RAD51B: variants seen among roughly 807,000 people sequenced by gnomAD.
RAD51B encodes the protein RAD51 paralog B, also known as DNA repair protein RAD51 homolog 2.
RAD51B carries 38 observed loss-of-function variants against 42.2 expected under a neutral mutation model. The observed-to-expected ratio is 0.90, with a 90% CI of 0.70 to 1.18. The LOEUF (loss-of-function observed/expected upper bound fraction) is 1.18, where lower values mean the gene tolerates loss of function less well. Among genes scored for constraint, RAD51B ranks in the 50% most tolerant of loss-of-function variants. RAD51B has a pLI of 0.00. For synonymous variants in RAD51B, 154 were observed against 145.2 expected, an observed-to-expected ratio of 1.06 and a Z score of -0.43; for missense variants, 373 against 400.7, an observed-to-expected ratio of 0.93 and a Z score of 0.59.
chr14:68,563,733 G>A, intron 10 of RAD51B: 1 of 985,436 alleles, frequency 1.0e-6, no homozygotes, highest in Non-Finnish European at 1.2e-6. Flanking sequence ...ACGAAAGAGG[G>A]AGAGGTGGTG....
intron 7 of RAD51B, among the ~76,000 whole-genome samples, chr14:67,919,532 G>A (rs1292569968): frequency 6.6e-6 from 1 of 152,050 alleles, no homozygotes; most frequent in Non-Finnish European, 1.5e-5. Context: ...ACCTTTCCAC[G>A]GTTTCCCACC....
chr14:68,120,510 G>T lies in RAD51B; in HGVS notation c.757-171374G>T, dbSNP rs2077630023. 2.6e-5 allele frequency among the ~76,000 whole-genome samples: 4 copies of T among 152,182 alleles called. No homozygotes were observed. The South Asian group carries it at 8.3e-4, about 32-fold the overall frequency. On this transcript the variant is annotated intron_variant, in intron 7 of 10. Transcript: ENST00000471583. The stretch of plus-strand genomic sequence containing the variant: ...CCTGGAAAGGTGCCTAACAAAAACT[G>T]GCCCTCAATACATATTCATTGAATG...
exon 11 of RAD51B, chr14:68,611,132 C>A (rs1171289062): frequency 1.4e-6 from 1 of 703,142 alleles, no homozygotes; most frequent in South Asian, 1.5e-5. Flanking sequence ...AGGCTGTTAC[C>A]CAGTGTCTCC....
intron 10 of RAD51B, among the ~76,000 whole-genome samples, chr14:68,575,950 C>T (rs1889943313): frequency 6.6e-6 from 1 of 152,172 alleles, no homozygotes; most frequent in South Asian, 2.1e-4. Context: ...GGGTTCAGGG[C>T]AGCAACAGGA....
chr14:68,191,190 T>C (rs2079259367), intron 7 of RAD51B, among the ~76,000 whole-genome samples: 1 of 152,206 alleles, frequency 6.6e-6, no homozygotes, highest in Non-Finnish European at 1.5e-5. Context: ...AATAATTAAG[T>C]ATTCATGCTT....
intron 7 of RAD51B, among the ~76,000 whole-genome samples, chr14:68,035,189 TG>T (rs1026858501): frequency 6.6e-6 from 1 of 152,262 alleles, no homozygotes; most frequent in Non-Finnish European, 1.5e-5. Flanking sequence ...TTACAGATTC[TG>T]ACTTTTTTCT....
At chr14:68,540,929 G>A (rs902877547) in intron 10 of RAD51B, 18 of 985,310 alleles carry the variant, frequency 1.8e-5, no homozygotes, top group Non-Finnish European at 2.0e-5. Flanking sequence ...GGAAAGAGAG[G>A]CAGGGCATGC....
At chr14:67,977,695 C>G (rs1311251027) in intron 7 of RAD51B, among the ~76,000 whole-genome samples, 4 of 152,186 alleles carry the variant, frequency 2.6e-5, no homozygotes, top group African/African-American at 9.7e-5. Flanking sequence ...TCTTGTTATT[C>G]ACCAAGAAAA....
chr14:68,625,798 T>C (rs1202408467), intron 10 of RAD51B, among the ~76,000 whole-genome samples: 1 of 152,214 alleles, frequency 6.6e-6, no homozygotes, highest in Non-Finnish European at 1.5e-5. Flanking sequence ...TTCTGAAGGT[T>C]TTCTCTCATC....
chr14:68,563,906 C>T (rs1334503040), intron 10 of RAD51B: 7 of 985,358 alleles, frequency 7.1e-6, no homozygotes, highest in African/African-American at 3.5e-5. Flanking sequence ...GGCCACAGGC[C>T]GATTCTCGGC....
At chr14:68,293,876 C>T (rs867056714) in intron 8 of RAD51B, among the ~76,000 whole-genome samples, 3 of 152,338 alleles carry the variant, frequency 2.0e-5, no homozygotes, top group Middle Eastern at 6.8e-3. Flanking sequence ...TATCCAGTGA[C>T]TAGCAAAGTT....
chr14:68,639,044 C>T (rs1892401421), intron 10 of RAD51B, among the ~76,000 whole-genome samples: 1 of 151,880 alleles, frequency 6.6e-6, no homozygotes, highest in Non-Finnish European at 1.5e-5. Flanking sequence ...GGCAGCAACC[C>T]CACGTAGACT....
At chr14:67,889,197 A>G (rs1595064917) in intron 7 of RAD51B, among the ~76,000 whole-genome samples, 1 of 151,982 alleles carries the variant, frequency 6.6e-6, no homozygotes, top group Non-Finnish European at 1.5e-5. Context: ...GTTTTTTGTG[A>G]CAATTAAGAT....
At chr14:68,338,785 G>T in intron 8 of RAD51B, 1 of 548,902 alleles carries the variant, frequency 1.8e-6, no homozygotes, top group Non-Finnish European at 3.5e-6. Context: ...TTGATAATGT[G>T]AGCTACAGAC....
Position 67,865,104 on chromosome 14 carries a change from G to A in RAD51B, c.417G>A (p.Val139=), listed in dbSNP as rs751446803. 7.4e-5 allele frequency: 118 copies of A among 1,596,856 alleles called. No individual in the cohort carries two copies. Among genetic ancestry groups the A allele is most frequent in the Non-Finnish European group, 9.7e-5 (113 of 1,170,862 alleles). Residue 139 remains valine, a synonymous_variant, in exon 5 of 11, where the codon GTG becomes GTA. Transcript: ENST00000471583. ...TNMGGLEGAV[V]YIDTESAFSA... Reference sequence around the variant, plus strand: ...TGGGAGGATTAGAAGGAGCTGTGGTGTACATTGACACAGAGTCTGCATTTA... The same window carrying A: ...TGGGAGGATTAGAAGGAGCTGTGGTATACATTGACACAGAGTCTGCATTTA...
At chr14:68,563,313 G>A (rs948490805) in intron 10 of RAD51B, 9 of 985,194 alleles carry the variant, frequency 9.1e-6, no homozygotes, top group South Asian at 4.7e-5. Flanking sequence ...TTCTCTCCTC[G>A]GGGCGTGCTC....
chr14:68,469,723 G>A (rs371293072), intron 10 of RAD51B, among the ~76,000 whole-genome samples: 1 of 152,204 alleles, frequency 6.6e-6, no homozygotes, highest in East Asian at 1.9e-4. Context: ...CTTCTTAAAA[G>A]ATTAGAAGTA....
At chr14:68,053,252 G>A (rs1049389459) in intron 7 of RAD51B, among the ~76,000 whole-genome samples, 3 of 152,074 alleles carry the variant, frequency 2.0e-5, no homozygotes, top group South Asian at 2.1e-4. Context: ...TTCCATAAGC[G>A]GTTCTGAAAG....
chr14:68,036,333 C>T (rs963783627), intron 7 of RAD51B, among the ~76,000 whole-genome samples: 9 of 152,194 alleles, frequency 5.9e-5, no homozygotes, highest in Non-Finnish European at 1.0e-4. Flanking sequence ...CTGGCCCTTA[C>T]GTCTAAGATG....
Sources: gnomAD v4.1 joint callset for allele counts (sites outside exome capture counted in the v4.1 genomes callset) on GRCh38, gnomAD v4.1.1 for gene constraint, MANE v1.5 for transcripts, NCBI Gene and HGNC (gene_info 2026-07-23, HGNC 2026-07-21) for gene names.